Variants in MAP2K4 observed in about 807,000 individuals in gnomAD.
The protein encoded by MAP2K4 is dual specificity mitogen-activated protein kinase kinase 4.
MAP2K4 carries 4 observed loss-of-function variants against 48.5 expected under a neutral mutation model. That is an observed-to-expected ratio of 0.08 (90% CI 0.04 to 0.19). MAP2K4 has a LOEUF of 0.19. Among genes scored for constraint, MAP2K4 ranks in the 10% least tolerant of loss-of-function variants. The pLI, the probability that MAP2K4 is intolerant of heterozygous loss-of-function variation, is 1.00. For synonymous variants in MAP2K4, 166 were observed against 173.1 expected (o/e 0.96, Z 0.32); for missense variants, 258 against 493.3 (o/e 0.52, Z 4.52).
At chr17:12,099,044 C>T (rs1159309453) in intron 4 of MAP2K4, among the ~76,000 whole-genome samples, 2 of 151,962 alleles carry the variant, frequency 1.3e-5, no homozygotes. Flanking sequence ...TCATCCACCC[C>T]GTTCAACTCC....
intron 3 of MAP2K4, among the ~76,000 whole-genome samples, chr17:12,092,968 G>A (rs947009910): frequency 4.6e-5 from 7 of 152,194 alleles, no homozygotes; most frequent in Admixed American, 4.6e-4. Context: ...GGAGCTTGCA[G>A]TGAGCCGAGA....
chr17:12,062,480 A>G (rs749975236), intron 2 of MAP2K4, among the ~76,000 whole-genome samples: 6 of 152,072 alleles, frequency 3.9e-5, no homozygotes, highest in Non-Finnish European at 7.4e-5. Flanking sequence ...CACTATAGGC[A>G]TGTGCCACCA....
chr17:12,062,019 ATAGT>A (rs1316824210), intron 2 of MAP2K4, among the ~76,000 whole-genome samples: 1 of 151,740 alleles, frequency 6.6e-6, no homozygotes, highest in African/African-American at 2.4e-5. Flanking sequence ...TTCTCTCAAC[ATAGT>A]TAAATACATC....
intron 3 of MAP2K4, among the ~76,000 whole-genome samples, chr17:12,083,046 T>G (rs559181798): frequency 1.3e-5 from 2 of 152,318 alleles, no homozygotes; most frequent in African/African-American, 4.8e-5. Context: ...TCCTATATAG[T>G]TAAAGTTGTA....
chr17:12,100,238 C>G (rs1478401151), intron 4 of MAP2K4, among the ~76,000 whole-genome samples: 1 of 152,186 alleles, frequency 6.6e-6, no homozygotes, highest in East Asian at 1.9e-4. Flanking sequence ...TCTGCTGTCC[C>G]CATTCTCAGA....
Position 12,081,253 on chromosome 17 carries a change from T to C in MAP2K4, c.219-103T>C. 7.0e-6 allele frequency: 6 copies of C among 858,308 alleles called. No homozygotes were observed. 53.2% of individuals were successfully genotyped at this position (858,308 alleles called of 1,614,324 possible). Reference sequence around the variant, plus strand: ...CAAAAACCTGGAGGTCAGACTATTTTAGTAATTTAGAAAACATTTTTCCCA... The same window carrying C: ...CAAAAACCTGGAGGTCAGACTATTTCAGTAATTTAGAAAACATTTTTCCCA... On this transcript the variant is annotated intron_variant, in intron 2 of 10. Coordinates refer to ENST00000353533, the MANE Select transcript of MAP2K4 (RefSeq NM_003010.4). This position sits in a 1 kb window ranked among gnomAD's most constrained non-coding sequence, Gnocchi z 4.2.
chr17:12,031,018 T>A (rs1039251119), intron 1 of MAP2K4, among the ~76,000 whole-genome samples: 5 of 152,168 alleles, frequency 3.3e-5, no homozygotes, highest in African/African-American at 4.8e-5. Context: ...CCCATACATC[T>A]CTGTTTTTCT....
At chr17:12,077,573 G>C (rs1362124437) in intron 2 of MAP2K4, among the ~76,000 whole-genome samples, 1 of 152,160 alleles carries the variant, frequency 6.6e-6, no homozygotes, top group Non-Finnish European at 1.5e-5. Flanking sequence ...CATTATTTCA[G>C]TTCTGCAGGG....
At chr17:12,065,841 A>T (rs1205915944) in intron 2 of MAP2K4, among the ~76,000 whole-genome samples, 1 of 152,176 alleles carries the variant, frequency 6.6e-6, no homozygotes, top group Non-Finnish European at 1.5e-5. Flanking sequence ...AATTTAGATG[A>T]CTTGATGAAT....
At chr17:12,028,106 G>C (rs1376221417) in intron 1 of MAP2K4, among the ~76,000 whole-genome samples, 1 of 152,184 alleles carries the variant, frequency 6.6e-6, no homozygotes, top group East Asian at 1.9e-4. Context: ...GAGGCTCATA[G>C]AAGTTAGATA....
At chr17:12,030,894 G>C (rs772106698) in intron 1 of MAP2K4, among the ~76,000 whole-genome samples, 25 of 152,206 alleles carry the variant, frequency 1.6e-4, no homozygotes, top group Non-Finnish European at 3.1e-4. Flanking sequence ...TTTTCCAGTG[G>C]GATGCGGGGA....
chr17:12,103,650 G>A (rs1404202062), intron 4 of MAP2K4, among the ~76,000 whole-genome samples: 1 of 152,004 alleles, frequency 6.6e-6, no homozygotes, highest in Non-Finnish European at 1.5e-5. Context: ...TCACTACCCT[G>A]AGTGTTTCCT....
chr17:12,050,160 GA>G (rs1192553386), intron 1 of MAP2K4, among the ~76,000 whole-genome samples: 1 of 152,146 alleles, frequency 6.6e-6, no homozygotes. Flanking sequence ...ACAGGTAACA[GA>G]ATCTTGCTTT....
At chr17:12,056,283 A>G (rs1389651955) in intron 2 of MAP2K4, among the ~76,000 whole-genome samples, 1 of 151,942 alleles carries the variant, frequency 6.6e-6, no homozygotes, top group Non-Finnish European at 1.5e-5. Flanking sequence ...GAGAAAGACA[A>G]CCTGACTTAA....
chr17:12,131,497 G>T (rs546036654), intron 9 of MAP2K4, among the ~76,000 whole-genome samples: 1 of 151,174 alleles, frequency 6.6e-6, no homozygotes, highest in South Asian at 2.1e-4. Flanking sequence ...TGCCCGCCTC[G>T]ACCTCCCAGA....
At position 12,081,247 on chromosome 17, in the gene MAP2K4, CTAT is replaced by C; in HGVS notation, c.219-107_219-105del. ...AAACTTCAAAAACCTGGAGGTCAGACTATTTTAGTAATTTAGAAAACATTTTTC... is the reference window on the plus strand; with the variant it reads ...AAACTTCAAAAACCTGGAGGTCAGACTTTAGTAATTTAGAAAACATTTTTC... On this transcript the variant is annotated intron_variant, in intron 2 of 10. Transcript: ENST00000353533. The surrounding 1 kb of genome is among the most constrained non-coding windows in gnomAD (Gnocchi z 4.2). The C allele has an allele frequency of 1.3e-6, 1 of 793,560 alleles. No homozygotes were observed. The highest frequency in any genetic ancestry group is 1.9e-6 in the Non-Finnish European group (1 of 519,100). 49.2% of individuals were successfully genotyped at this position (793,560 alleles called of 1,614,324 possible).
chr17:12,100,295 C>T (rs1971898527), intron 4 of MAP2K4, among the ~76,000 whole-genome samples: 1 of 152,114 alleles, frequency 6.6e-6, no homozygotes. Context: ...TTGTATTTTT[C>T]TAGATTTTAT....
chr17:12,116,499 A>AT (rs869308764), intron 7 of MAP2K4, among the ~76,000 whole-genome samples: 2 of 152,064 alleles, frequency 1.3e-5, no homozygotes, highest in Admixed American at 6.6e-5. Flanking sequence ...ATTAAAAAAA[A>AT]TTTTTTTTAC....
intron 1 of MAP2K4, 41 bp from the exon 2 acceptor site, chr17:12,054,848 G>T (rs766788796): frequency 7.6e-7 from 1 of 1,313,408 alleles, no homozygotes; most frequent in Non-Finnish European, 1.1e-6. Context: ...TACCTGTTTT[G>T]TAGTACTTGA....
Sources: gnomAD v4.1 joint callset for allele counts (sites outside exome capture counted in the v4.1 genomes callset) on GRCh38, gnomAD v4.1.1 for gene constraint, Gnocchi (gnomAD v3.1) non-coding constraint, MANE v1.5 for transcripts, NCBI Gene and HGNC (gene_info 2026-07-23, HGNC 2026-07-21) for gene names.